PDE11A: variants seen among roughly 807,000 people sequenced by gnomAD.
The protein encoded by PDE11A is phosphodiesterase 11A, also known as dual 3',5'-cyclic-AMP and -GMP phosphodiesterase 11A.
Under a neutral mutation model 100.5 loss-of-function variants are expected in PDE11A, and 100 were observed. That is an observed-to-expected ratio of 1.00 (90% CI 0.85 to 1.18). The LOEUF (loss-of-function observed/expected upper bound fraction) is 1.18. Among genes scored for constraint, PDE11A ranks in the 50% most tolerant of loss-of-function variants. PDE11A has a pLI of 0.00. For synonymous variants in PDE11A, 381 were observed against 420.8 expected (o/e 0.91, Z 1.16); for missense variants, 1,141 against 1,152.6 (o/e 0.99, Z 0.15).
intron 15 of PDE11A, among the ~76,000 whole-genome samples, chr2:177,685,837 G>A (rs2080940190): frequency 6.6e-6 from 1 of 152,178 alleles, no homozygotes. Flanking sequence ...ATAGTGCTGG[G>A]ATTACAGGTG....
chr2:177,889,444 C>T (rs1188639875), intron 4 of PDE11A, among the ~76,000 whole-genome samples: 2 of 151,812 alleles, frequency 1.3e-5, no homozygotes, highest in East Asian at 3.9e-4. Flanking sequence ...CCAAGATTGC[C>T]TTTATTTCAG....
intron 9 of PDE11A, among the ~76,000 whole-genome samples, chr2:177,784,104 C>A (rs1398072499): frequency 6.6e-6 from 1 of 151,620 alleles, no homozygotes; most frequent in Non-Finnish European, 1.5e-5. Flanking sequence ...AACCTCTGTC[C>A]CTCTACAACC....
chr2:177,660,089 TTCTTTCTTTCTCTCTCTCTC>T lies in PDE11A; in HGVS notation c.2646+3757_2646+3776del, dbSNP rs1264750090. ...TTTCTTTCTTTCTTTCTTTCTTTCTTTCTTTCTTTCTCTCTCTCTCTCTTTCTTTCTTTCTTTCTTTCATT... is the reference window on the plus strand; with the variant it reads ...TTTCTTTCTTTCTTTCTTTCTTTCTTTCTTTCTTTCTTTCTTTCTTTCATT... On this transcript the variant is annotated intron_variant, in intron 19 of 19. Coordinates refer to ENST00000286063, the MANE Select transcript of PDE11A (RefSeq NM_016953.4). 8.6e-4 allele frequency among the ~76,000 whole-genome samples: 32 copies of T among 37,040 alleles called. 1 individual carries two copies. The highest frequency in any genetic ancestry group is 2.8e-3 in the African/African-American group (32 of 11,308). The allele number at this position is 37,040 out of a possible 152,430, so 24.3% of individuals were successfully genotyped here. A position where few individuals can be genotyped will look rare whatever the true frequency, so the allele number is the denominator to read the frequency against.
chr2:177,697,491 G>A (rs1401330866), intron 14 of PDE11A, 59 bp from the exon 15 acceptor site: 3 of 846,362 alleles, frequency 3.5e-6, no homozygotes, highest in East Asian at 4.9e-5. Context: ...TTGATTACAT[G>A]TTTTTCCTCT....
intron 2 of PDE11A, among the ~76,000 whole-genome samples, chr2:177,917,056 G>A (rs1339407193): frequency 2.0e-5 from 3 of 151,244 alleles, no homozygotes; most frequent in Non-Finnish European, 4.4e-5. Flanking sequence ...GATTACAGGC[G>A]TGAGCCACCA....
At chr2:177,899,436 A>C (rs1183173018) in intron 3 of PDE11A, 1 of 197,808 alleles carries the variant, frequency 5.1e-6, no homozygotes, top group Non-Finnish European at 1.1e-5. Flanking sequence ...ATAACAACAA[A>C]AAAACAAAAC....
At chr2:177,821,143 A>G (rs899132492) in intron 6 of PDE11A, among the ~76,000 whole-genome samples, 1 of 151,964 alleles carries the variant, frequency 6.6e-6, no homozygotes, top group Admixed American at 6.6e-5. Flanking sequence ...AGAGCCACAT[A>G]TTTTAAACAC....
chr2:177,661,114 C>A (rs913724124), intron 19 of PDE11A, among the ~76,000 whole-genome samples: 1 of 152,216 alleles, frequency 6.6e-6, no homozygotes, highest in Non-Finnish European at 1.5e-5. Context: ...TGCCACCCAA[C>A]CTTGCCCTAC....
chr2:178,065,793 T>C (rs116600486), intron 1 of PDE11A, among the ~76,000 whole-genome samples: 1 of 152,144 alleles, frequency 6.6e-6, no homozygotes, highest in Non-Finnish European at 1.5e-5. Flanking sequence ...CTATCAGCAC[T>C]GGCTCATCAG....
In PDE11A at chr2:177,820,217, T is replaced by G. The variant is rs567558184; in HGVS notation, c.1576+3A>C. ...AAGTTTAACTATTTAGGTCATCTCT[T>G]ACCAATTATTTGGTGGTTGCTATTC... On this transcript the variant is annotated splice_donor_region_variant and intron_variant, in intron 7 of 19. Transcript: ENST00000286063. The G allele has an allele frequency of 1.3e-5, 19 of 1,471,704 alleles. No homozygotes were observed. In the South Asian group the frequency reaches 2.2e-4, roughly 17 times the overall value. 91.2% of individuals were successfully genotyped at this position (1,471,704 alleles called of 1,614,324 possible).
intron 18 of PDE11A, among the ~76,000 whole-genome samples, chr2:177,664,706 G>C (rs57425089): frequency 0.024 from 3,704 of 152,242 alleles, 67 homozygotes; most frequent in South Asian, 0.066. Context: ...CAGTGAGACT[G>C]TCTCTCCCTT....
intron 3 of PDE11A, among the ~76,000 whole-genome samples, chr2:177,902,405 C>T (rs1411482159): frequency 6.6e-6 from 1 of 152,192 alleles, no homozygotes; most frequent in Non-Finnish European, 1.5e-5. Context: ...CCTTGTTGCT[C>T]ACACAAAGCC....
rs115644287 is a variant in PDE11A at position 177,911,017 on chromosome 2, G to A, written c.1072-5830C>T. On this transcript the variant is annotated intron_variant, in intron 2 of 19. Transcript: ENST00000286063. ...CACATCACTGTCAGCTAAATGAACA[G>A]GTGAAAAAAAGGTTTTCCCACCTAC... Among the ~76,000 whole-genome samples, 1,196 of 152,184 alleles carry A rather than the reference G, an allele frequency of 7.9e-3. 18 individuals are homozygous for A. Among genetic ancestry groups the A allele is most frequent in the African/African-American group, 0.027 (1,106 of 41,516 alleles).
chr2:177,756,603 C>T (rs749463218), intron 10 of PDE11A, among the ~76,000 whole-genome samples: 1 of 152,118 alleles, frequency 6.6e-6, no homozygotes, highest in East Asian at 1.9e-4. Context: ...TCACAGAACT[C>T]GTCTCCATCT....
intron 5 of PDE11A, among the ~76,000 whole-genome samples, chr2:177,845,710 G>T (rs1219353871): frequency 6.6e-6 from 1 of 152,172 alleles, no homozygotes; most frequent in African/African-American, 2.4e-5. Flanking sequence ...AGCAAGCCGA[G>T]ATCAAGCCAC....
intron 4 of PDE11A, among the ~76,000 whole-genome samples, chr2:177,877,375 G>A (rs1050811790): frequency 8.1e-6 from 1 of 123,276 alleles, no homozygotes; most frequent in African/African-American, 3.6e-5. Flanking sequence ...ATGTTGACCA[G>A]GGTAGTCTTG....
chr2:178,024,304 C>T (rs552749493), intron 1 of PDE11A, among the ~76,000 whole-genome samples: 7 of 152,146 alleles, frequency 4.6e-5, no homozygotes, highest in Admixed American at 3.3e-4. Flanking sequence ...CCCAGCTACT[C>T]GGGAGGCCGA....
chr2:178,078,840 T>C (rs13397839), intron 2 of PDE11A, among the ~76,000 whole-genome samples: 1,867 of 152,310 alleles, frequency 0.012, 35 homozygotes, highest in African/African-American at 0.043. Context: ...ATCAAGATTG[T>C]TGAGTTAAGA....
intron 1 of PDE11A, chr2:178,018,294 T>C: frequency 2.4e-6 from 1 of 408,310 alleles, no homozygotes; most frequent in Admixed American, 2.8e-5. Flanking sequence ...CTCTCCTTAG[T>C]CACTAAGACT....
Sources: gnomAD v4.1 joint callset for allele counts (sites outside exome capture counted in the v4.1 genomes callset) on GRCh38, gnomAD v4.1.1 for gene constraint, MANE v1.5 for transcripts, NCBI Gene and HGNC (gene_info 2026-07-23, HGNC 2026-07-21) for gene names.